The following NAV2 variants were observed in gnomAD, a reference collection of about 807,000 sequenced individuals.
NAV2 encodes neuron navigator 2.
In NAV2, 54 loss-of-function variants were observed where a neutral mutation model predicts 223.2. The observed-to-expected ratio is 0.24, with a 90% CI of 0.19 to 0.30. NAV2 has a LOEUF of 0.30. Ranked by LOEUF, NAV2 falls within the 10% of genes least tolerant of loss-of-function variation. NAV2 has a pLI of 1.00. For synonymous variants in NAV2, 1,279 were observed against 1,239.3 expected (o/e 1.03, Z -0.67); for missense variants, 2,806 against 3,147.5 (o/e 0.89, Z 2.60).
intron 1 of NAV2, among the ~76,000 whole-genome samples, chr11:19,669,724 C>T (rs906528929): frequency 3.3e-5 from 5 of 152,186 alleles, no homozygotes; most frequent in South Asian, 4.1e-4. Flanking sequence ...GGGTCCTATC[C>T]AGTACCCTAT....
chr11:19,934,320 A>T (rs774223911), intron 7 of NAV2, 43 bp downstream of exon 7: 1 of 1,518,266 alleles, frequency 6.6e-7, no homozygotes, highest in South Asian at 1.3e-5. Context: ...ACATTGGGTA[A>T]AAGTTCCTTT....
intron 6 of NAV2, among the ~76,000 whole-genome samples, chr11:19,925,069 T>C (rs1376135164): frequency 6.6e-6 from 1 of 152,258 alleles, no homozygotes; most frequent in East Asian, 1.9e-4. Flanking sequence ...CATATTTTTA[T>C]TGGCCATTTG....
At chr11:19,969,819 G>A (rs1449527869) in intron 10 of NAV2, among the ~76,000 whole-genome samples, 2 of 151,922 alleles carry the variant, frequency 1.3e-5, no homozygotes, top group African/African-American at 2.4e-5. Context: ...GGTGGCAGGT[G>A]CCTGTAGTCC....
At chr11:19,512,883 G>A (rs891558832) in intron 1 of NAV2, among the ~76,000 whole-genome samples, 1 of 152,202 alleles carries the variant, frequency 6.6e-6, no homozygotes, top group Non-Finnish European at 1.5e-5. Context: ...CTTGGATGAT[G>A]CTGCAAAGAG....
At chr11:19,567,934 A>T in intron 1 of NAV2, among the ~76,000 whole-genome samples, 1 of 152,164 alleles carries the variant, frequency 6.6e-6, no homozygotes, top group East Asian at 1.9e-4. Context: ...GTACCCTCGC[A>T]TCCTAACACC....
Position 19,861,638 on chromosome 11 carries a change from A to C in NAV2, c.439-7287A>C, listed in dbSNP as rs61298484. On this transcript the variant is annotated intron_variant, in intron 3 of 37. Transcript: ENST00000349880. ...TAGTAAATGCCAGAAACAAGATTTGAATCCAGACTTGTCTGAACCTAAAGC... is the reference window on the plus strand; with the variant it reads ...TAGTAAATGCCAGAAACAAGATTTGCATCCAGACTTGTCTGAACCTAAAGC... Among the ~76,000 whole-genome samples the C allele has an allele frequency of 4.5e-3, 692 of 152,350 alleles. 9 individuals carry two copies. The highest frequency in any genetic ancestry group is 0.016 in the African/African-American group (652 of 41,574).
In NAV2 at chr11:19,884,124, A is replaced by C. The variant is rs1000352408; in HGVS notation, c.770+3997A>C. Among the ~76,000 whole-genome samples the C allele has an allele frequency of 8.5e-5, 13 of 152,366 alleles. No individual in the cohort carries two copies. In the East Asian group the frequency reaches 2.5e-3, roughly 29 times the overall value. On this transcript the variant is annotated intron_variant, in intron 5 of 37. Coordinates refer to ENST00000349880, the MANE Select transcript of NAV2 (RefSeq NM_145117.5). The stretch of plus-strand genomic sequence containing the variant: ...TTTCTTCACATTGGAAATCTATCAA[A>C]TCAGTAAACTGAGACCTAGAAAGAA...
intron 36 of NAV2, among the ~76,000 whole-genome samples, chr11:20,112,602 C>A (rs911045069): frequency 6.6e-6 from 1 of 152,200 alleles, no homozygotes; most frequent in African/African-American, 2.4e-5. Flanking sequence ...ATCTGGCCAA[C>A]AGCCTGCTCC....
intron 1 of NAV2, among the ~76,000 whole-genome samples, chr11:19,687,110 AC>A (rs1180521437): frequency 1.3e-5 from 2 of 152,216 alleles, no homozygotes; most frequent in African/African-American, 4.8e-5. Context: ...GGAACATGAA[AC>A]TGCCCAGAGG....
At chr11:19,726,426 G>A (rs574930895) in intron 1 of NAV2, among the ~76,000 whole-genome samples, 27 of 152,306 alleles carry the variant, frequency 1.8e-4, no homozygotes, top group Non-Finnish European at 3.4e-4. Flanking sequence ...AGATGAGGAT[G>A]CCACGCCTCA....
Position 20,049,152 on chromosome 11 carries a change from C to T in NAV2, c.4327C>T (p.Pro1443Ser), listed in dbSNP as rs2057736992. 3.7e-6 allele frequency: 6 copies of T among 1,611,688 alleles called. No homozygotes were observed. The highest frequency in any genetic ancestry group is 4.2e-6 in the Non-Finnish European group (5 of 1,178,962). Residue 1443 changes from proline to serine, a missense_variant, in exon 15 of 38, where the codon CCC becomes TCC. Pro to Ser is a moderately conservative substitution (Grantham distance 74). Transcript: ENST00000349880. ...IASSKDDSLT[P>S]FVRTNSVKTT... ...CTCCTCCAAGGACGACTCCTTGACT[C>T]CCTTTGTCAGAACTAACAGTGTGAA...
chr11:19,980,663 G>A (rs537721081), intron 10 of NAV2, among the ~76,000 whole-genome samples: 3 of 152,242 alleles, frequency 2.0e-5, no homozygotes, highest in African/African-American at 7.2e-5. Flanking sequence ...GCTTTCTTAA[G>A]GCCTTCACTT....
At chr11:19,611,448 A>G (rs1410630678) in intron 1 of NAV2, among the ~76,000 whole-genome samples, 1 of 152,196 alleles carries the variant, frequency 6.6e-6, no homozygotes, top group Non-Finnish European at 1.5e-5. Flanking sequence ...ATCTGAGACA[A>G]GGCAAGTCCC....
chr11:19,618,515 TGGA>T, intron 1 of NAV2, among the ~76,000 whole-genome samples: 1 of 151,574 alleles, frequency 6.6e-6, no homozygotes. Flanking sequence ...GATGGATGGA[TGGA>T]TGGATGGATG....
chr11:19,481,738 C>A (rs1373593829), intron 1 of NAV2, among the ~76,000 whole-genome samples: 1 of 152,154 alleles, frequency 6.6e-6, no homozygotes, highest in East Asian at 1.9e-4. Flanking sequence ...CTGGCTGTGC[C>A]TTGAGATACA....
At chr11:19,456,979 G>A (rs529043868) in intron 1 of NAV2, among the ~76,000 whole-genome samples, 25 of 152,310 alleles carry the variant, frequency 1.6e-4, no homozygotes, top group Non-Finnish European at 1.3e-4. Context: ...TTAGGACTCG[G>A]CTCTTCTGTA....
intron 1 of NAV2, among the ~76,000 whole-genome samples, chr11:19,807,844 C>T (rs540179673): frequency 1.3e-5 from 2 of 152,326 alleles, no homozygotes; most frequent in South Asian, 2.1e-4. Context: ...CAGGAAAAGT[C>T]GTGAAACTGA....
At chr11:19,446,873 T>C (rs1299311073) in intron 1 of NAV2, among the ~76,000 whole-genome samples, 1 of 152,166 alleles carries the variant, frequency 6.6e-6, no homozygotes, top group Non-Finnish European at 1.5e-5. Flanking sequence ...TGATGTAGCC[T>C]GGGACCAGGG....
At chr11:19,754,301 A>AT (rs960202544) in intron 1 of NAV2, among the ~76,000 whole-genome samples, 1 of 152,168 alleles carries the variant, frequency 6.6e-6, no homozygotes, top group African/African-American at 2.4e-5. Context: ...TCCAGAAGGA[A>AT]TAAGGTGCCT....
Sources: gnomAD v4.1 joint callset for allele counts (sites outside exome capture counted in the v4.1 genomes callset) on GRCh38, gnomAD v4.1.1 for gene constraint, MANE v1.5 for transcripts, NCBI Gene and HGNC (gene_info 2026-07-23, HGNC 2026-07-21) for gene names.